The following IMMP2L variants were observed in gnomAD, a reference collection of about 807,000 sequenced individuals.
IMMP2L encodes the protein mitochondrial inner membrane protease subunit 2.
In IMMP2L, 18 loss-of-function variants were observed where a neutral mutation model predicts 19.3. The ratio of observed to expected loss-of-function variants is 0.93; its 90% CI spans 0.64 to 1.38. IMMP2L has a LOEUF of 1.38. Ranked by LOEUF, IMMP2L falls within the 40% of genes most tolerant of loss-of-function variation. The pLI, the probability that IMMP2L is intolerant of heterozygous loss-of-function variation, is 0.00. For missense variants in IMMP2L, 233 were observed against 218.2 expected, an observed-to-expected ratio of 1.07 and a Z score of -0.43; for synonymous variants, 76 against 73.0, an observed-to-expected ratio of 1.04 and a Z score of -0.21.
In IMMP2L at chr7:111,334,838, T is replaced by C. The variant is rs192101236; in HGVS notation, c.239+152400A>G. 2.6e-5 allele frequency among the ~76,000 whole-genome samples: 4 copies of C among 152,226 alleles called. No individual in the cohort carries two copies. In the East Asian group the frequency reaches 7.7e-4, roughly 29 times the overall value. ...TGTATTTCTTCCATTTCCCTCACTT[T>C]TCCTAACGTCTCTCAGTACACAGAA... On this transcript the variant is annotated intron_variant, in intron 3 of 5. Transcript: ENST00000405709.
intron 4 of IMMP2L, among the ~76,000 whole-genome samples, chr7:110,935,067 A>C (rs142383441): frequency 1.3e-5 from 2 of 152,098 alleles, no homozygotes; most frequent in Non-Finnish European, 2.9e-5. Context: ...TTTGCCCATT[A>C]GTTGATGCAG....
At chr7:111,530,399 C>A (rs747107683) in intron 1 of IMMP2L, among the ~76,000 whole-genome samples, 4 of 152,146 alleles carry the variant, frequency 2.6e-5, no homozygotes, top group Admixed American at 2.6e-4. Context: ...TAAAGCCCAT[C>A]TTCTAGGTGA....
intron 5 of IMMP2L, among the ~76,000 whole-genome samples, chr7:110,679,444 T>G (rs996598910): frequency 3.3e-5 from 5 of 152,148 alleles, no homozygotes; most frequent in African/African-American, 1.2e-4. Context: ...GTCCCACATG[T>G]TATTTTTATG....
intron 3 of IMMP2L, among the ~76,000 whole-genome samples, chr7:111,149,932 C>A (rs1328681430): frequency 6.6e-5 from 10 of 152,128 alleles, no homozygotes. Context: ...GCTGGCTATT[C>A]TTATACCCCG....
rs1336494261 is a variant in IMMP2L at position 111,504,275 on chromosome 7, G to T, written c.136-16934C>A. On this transcript the variant is annotated intron_variant, in intron 2 of 5. Coordinates refer to ENST00000405709, the MANE Select transcript of IMMP2L (RefSeq NM_032549.4). ...AATCCAACTTACAAGGGATGTGAAA[G>T]ACCTCTTCAAGGAGAACTACAAACC... 2.0e-5 allele frequency among the ~76,000 whole-genome samples: 3 copies of T among 152,112 alleles called. No individual in the cohort carries two copies. In the East Asian group the frequency reaches 5.8e-4, roughly 29 times the overall value.
intron 2 of IMMP2L, among the ~76,000 whole-genome samples, chr7:111,500,240 C>T (rs1026030336): frequency 1.4e-4 from 21 of 152,102 alleles, no homozygotes; most frequent in Non-Finnish European, 1.6e-4. Flanking sequence ...AAATGCAAGG[C>T]GGCAGCGAGG....
At chr7:111,227,750 A>G (rs1467865383) in intron 3 of IMMP2L, among the ~76,000 whole-genome samples, 1 of 152,162 alleles carries the variant, frequency 6.6e-6, no homozygotes, top group African/African-American at 2.4e-5. Flanking sequence ...GGTCAAATGT[A>G]CTATCTTTCA....
intron 3 of IMMP2L, among the ~76,000 whole-genome samples, chr7:111,214,888 C>T (rs113726039): frequency 7.9e-5 from 12 of 151,724 alleles, no homozygotes; most frequent in African/African-American, 9.7e-5. Context: ...CACATACCAG[C>T]GCAGCAAAAT....
intron 3 of IMMP2L, among the ~76,000 whole-genome samples, chr7:111,005,985 G>A (rs1824244198): frequency 6.6e-6 from 1 of 151,750 alleles, no homozygotes; most frequent in African/African-American, 2.4e-5. Context: ...TTTAAGCCAT[G>A]GGCCCCTTGG....
chr7:111,306,606 C>CTG lies in IMMP2L; in HGVS notation c.239+180630_239+180631dup, dbSNP rs71147473. Among the ~76,000 whole-genome samples the CTG allele has an allele frequency of 4.7e-3, 642 of 136,200 alleles. 2 individuals are homozygous for CTG. The highest frequency in any genetic ancestry group is 6.9e-3 in the Non-Finnish European group (430 of 62,502). 89.4% of individuals were successfully genotyped at this position (136,200 alleles called of 152,430 possible). ...AGATCACATTGATTATCACTGGACT[C>CTG]TGTGTGTGTGTGTGTGTGTGTGTGT... is the stretch of plus-strand genomic sequence containing the variant. On this transcript the variant is annotated intron_variant, in intron 3 of 5. Coordinates refer to ENST00000405709, the MANE Select transcript of IMMP2L (RefSeq NM_032549.4).
intron 3 of IMMP2L, among the ~76,000 whole-genome samples, chr7:111,036,954 T>C (rs1307246476): frequency 6.6e-6 from 1 of 152,186 alleles, no homozygotes; most frequent in Admixed American, 6.5e-5. Context: ...AGTGATATAA[T>C]GTTTTGCAAC....
At chr7:111,031,465 T>A (rs545428297) in intron 3 of IMMP2L, among the ~76,000 whole-genome samples, 3 of 150,758 alleles carry the variant, frequency 2.0e-5, no homozygotes, top group Non-Finnish European at 4.4e-5. Context: ...CAAAGCCAAC[T>A]AAAACAGCTC....
intron 3 of IMMP2L, among the ~76,000 whole-genome samples, chr7:111,164,013 G>T (rs1805548371): frequency 6.8e-6 from 1 of 147,478 alleles, no homozygotes; most frequent in Non-Finnish European, 1.5e-5. Flanking sequence ...GCAGTAAGCA[G>T]AACATAACAT....
chr7:110,805,548 T>A (rs1801575648), intron 5 of IMMP2L, among the ~76,000 whole-genome samples: 1 of 152,054 alleles, frequency 6.6e-6, no homozygotes, highest in Admixed American at 6.6e-5. Context: ...CATTAAGTCA[T>A]TTTTTAAAAT....
chr7:110,851,166 C>G (rs1405674667), intron 5 of IMMP2L, among the ~76,000 whole-genome samples: 2 of 151,900 alleles, frequency 1.3e-5, no homozygotes, highest in Non-Finnish European at 2.9e-5. Flanking sequence ...TGTCAATGGA[C>G]AAAATTTTAA....
chr7:111,305,407 C>T (rs1822757305), intron 3 of IMMP2L, among the ~76,000 whole-genome samples: 1 of 152,142 alleles, frequency 6.6e-6, no homozygotes. Context: ...CAGCTCACTG[C>T]AACCTCCGCC....
At chr7:110,825,608 T>C (rs1406980863) in intron 5 of IMMP2L, among the ~76,000 whole-genome samples, 1 of 152,184 alleles carries the variant, frequency 6.6e-6, no homozygotes, top group African/African-American at 2.4e-5. Context: ...ATTTAATAAA[T>C]GGTGCTAGGA....
At chr7:110,718,038 A>T (rs899592145) in intron 5 of IMMP2L, among the ~76,000 whole-genome samples, 2 of 152,210 alleles carry the variant, frequency 1.3e-5, no homozygotes, top group Non-Finnish European at 2.9e-5. Context: ...CATGGAGGAG[A>T]TGAGTTCTAA....
intron 5 of IMMP2L, among the ~76,000 whole-genome samples, chr7:110,777,907 T>C: frequency 6.6e-6 from 1 of 152,038 alleles, no homozygotes; most frequent in East Asian, 1.9e-4. Flanking sequence ...GTTTTTCATT[T>C]ATTGTTCTGT....
Sources: gnomAD v4.1 joint callset for allele counts (sites outside exome capture counted in the v4.1 genomes callset) on GRCh38, gnomAD v4.1.1 for gene constraint, MANE v1.5 for transcripts, NCBI Gene and HGNC (gene_info 2026-07-23, HGNC 2026-07-21) for gene names.